The following EFCAB13 variants were observed in gnomAD, a reference collection of about 807,000 sequenced individuals.
EFCAB13 encodes EF-hand calcium binding domain 13.
Under a neutral mutation model 110.2 loss-of-function variants are expected in EFCAB13, and 91 were observed. The ratio of observed to expected loss-of-function variants is 0.83; its 90% CI spans 0.70 to 0.98. The LOEUF is 0.98. Ranked by LOEUF, EFCAB13 falls within the 50% of genes least tolerant of loss-of-function variation. EFCAB13 has a pLI of 0.00. For missense variants in EFCAB13, 968 were observed against 1,119.4 expected, an observed-to-expected ratio of 0.86 and a Z score of 1.93; for synonymous variants, 323 against 369.9, an observed-to-expected ratio of 0.87 and a Z score of 1.45.
In EFCAB13 at chr17:47,349,909, G is replaced by C. The variant is rs367936922; in HGVS notation, c.661+1958G>C. 1.5e-4 allele frequency among the ~76,000 whole-genome samples: 22 copies of C among 151,292 alleles called. No individual in the cohort carries two copies. The East Asian group carries it at 2.1e-3, about 15-fold the overall frequency. ...CCTGCCTCAGCCTCCCGAGTAGCTGGGACTACAGGTGCCCGCCACCGCGCC... is the reference window on the plus strand; with the variant it reads ...CCTGCCTCAGCCTCCCGAGTAGCTGCGACTACAGGTGCCCGCCACCGCGCC... On this transcript the variant is annotated intron_variant, in intron 9 of 24. Transcript: ENST00000331493.
At chr17:47,411,364 TC>T (rs1567802590) in intron 21 of EFCAB13, among the ~76,000 whole-genome samples, 1 of 152,112 alleles carries the variant, frequency 6.6e-6, no homozygotes, top group South Asian at 2.1e-4. Context: ...AACTGACATT[TC>T]CCCCCCAAAC....
intron 5 of EFCAB13, among the ~76,000 whole-genome samples, chr17:47,337,458 C>T (rs986308098): frequency 6.6e-6 from 1 of 152,136 alleles, no homozygotes; most frequent in Non-Finnish European, 1.5e-5. Context: ...GAAATCTGCA[C>T]TTGTACCCTC....
chr17:47,387,254 C>T (rs368354888), intron 14 of EFCAB13, among the ~76,000 whole-genome samples: 7 of 152,102 alleles, frequency 4.6e-5, no homozygotes, highest in African/African-American at 1.4e-4. Flanking sequence ...GGAGAATGTT[C>T]GATGTGCTGA....
intron 3 of EFCAB13, among the ~76,000 whole-genome samples, chr17:47,326,874 A>G (rs2065288811): frequency 1.3e-5 from 2 of 152,252 alleles, no homozygotes; most frequent in African/African-American, 4.8e-5. Context: ...AATAATGACT[A>G]TAAACATATG....
chr17:47,360,551 G>A (rs1299385020), intron 9 of EFCAB13, among the ~76,000 whole-genome samples: 29 of 152,114 alleles, frequency 1.9e-4, no homozygotes, highest in African/African-American at 6.3e-4. Flanking sequence ...AATAGGTTGC[G>A]AAAATTTTCT....
At chr17:47,374,402 AGTT>A in intron 11 of EFCAB13, 67 bp from the exon 12 acceptor site, 3 of 1,251,348 alleles carry the variant, frequency 2.4e-6, no homozygotes, top group Middle Eastern at 2.9e-4. Flanking sequence ...ATGAGGACTT[AGTT>A]GTTATTTTTG....
chr17:47,327,689 T>G (rs1380344230), intron 3 of EFCAB13, among the ~76,000 whole-genome samples: 1 of 152,208 alleles, frequency 6.6e-6, no homozygotes, highest in Non-Finnish European at 1.5e-5. Flanking sequence ...TCTCTTGACC[T>G]CATGATCCGC....
chr17:47,326,458 C>T (rs1484787626), intron 3 of EFCAB13, 71 bp downstream of exon 3: 2 of 152,154 alleles, frequency 1.3e-5, no homozygotes, highest in African/African-American at 4.8e-5. Flanking sequence ...TCCCTCCATA[C>T]CATTCCTCCT....
At chr17:47,367,817 C>T (rs531447051) in intron 10 of EFCAB13, among the ~76,000 whole-genome samples, 13 of 152,208 alleles carry the variant, frequency 8.5e-5, no homozygotes, top group Admixed American at 4.6e-4. Flanking sequence ...ACCTGTCCCT[C>T]GAGAAGTACT....
intron 14 of EFCAB13, among the ~76,000 whole-genome samples, chr17:47,386,187 C>A (rs1368567557): frequency 6.6e-6 from 1 of 152,252 alleles, no homozygotes; most frequent in East Asian, 1.9e-4. Flanking sequence ...TCAGGATCTG[C>A]TGCTCTCTTC....
Position 47,344,145 on chromosome 17 carries a change from C to T in EFCAB13, c.304-17C>T. ...GTCACTCACCTCAGGCACCAACATACTTGCATTTGGCTCTAGATTATCCCT... is the reference window on the plus strand; with the variant it reads ...GTCACTCACCTCAGGCACCAACATATTTGCATTTGGCTCTAGATTATCCCT... On this transcript the variant is annotated splice_polypyrimidine_tract_variant and intron_variant, in intron 6 of 24. Coordinates refer to ENST00000331493, the MANE Select transcript of EFCAB13 (RefSeq NM_152347.5). The T allele has an allele frequency of 6.2e-7, 1 of 1,609,102 alleles. No individual in the cohort carries two copies. The highest frequency in any genetic ancestry group is 8.5e-7 in the Non-Finnish European group (1 of 1,177,406).
At chr17:47,400,126 A>G (rs1208284646) in intron 17 of EFCAB13, among the ~76,000 whole-genome samples, 1 of 152,166 alleles carries the variant, frequency 6.6e-6, no homozygotes, top group Non-Finnish European at 1.5e-5. Flanking sequence ...CCTGACTCTG[A>G]TATCTGATGT....
At chr17:47,404,093 A>G in intron 19 of EFCAB13, 72 bp downstream of exon 19, 1 of 1,183,090 alleles carries the variant, frequency 8.5e-7, no homozygotes, top group Non-Finnish European at 1.2e-6. Flanking sequence ...GTCTATAGGT[A>G]TTTGCTTATG....
At chr17:47,354,472 A>G (rs1450798999) in intron 9 of EFCAB13, among the ~76,000 whole-genome samples, 4 of 152,136 alleles carry the variant, frequency 2.6e-5, no homozygotes, top group African/African-American at 4.8e-5. Context: ...TCAGTTGAGT[A>G]TTGAAGCCCC....
intron 3 of EFCAB13, 165 bp from the exon 4 acceptor site, chr17:47,328,104 A>G (rs756042627): frequency 4.2e-5 from 21 of 501,300 alleles, no homozygotes; most frequent in Non-Finnish European, 6.4e-5. Context: ...TTTATAGTCT[A>G]CTAACTGCTT....
At chr17:47,435,519 A>AT (rs1416535324) in intron 24 of EFCAB13, among the ~76,000 whole-genome samples, 2 of 151,896 alleles carry the variant, frequency 1.3e-5, no homozygotes, top group Non-Finnish European at 2.9e-5. Context: ...TATTCCTAAG[A>AT]TTTTTTTGTT....
In EFCAB13 at chr17:47,415,153, C is replaced by T. The variant is rs545196619; in HGVS notation, c.2494+234C>T. On this transcript the variant is annotated intron_variant, in intron 23 of 24. Coordinates refer to ENST00000331493, the MANE Select transcript of EFCAB13 (RefSeq NM_152347.5). Reference sequence around the variant, plus strand: ...ATCACAAGAACAAAAAACCAAACACCGCATATTCTCACTCATAGGTGGGAA... The same window carrying T: ...ATCACAAGAACAAAAAACCAAACACTGCATATTCTCACTCATAGGTGGGAA... Among the ~76,000 whole-genome samples the T allele has an allele frequency of 7.2e-5, 11 of 151,828 alleles. No homozygotes were observed. The South Asian group carries it at 2.3e-3, about 32-fold the overall frequency.
intron 23 of EFCAB13, among the ~76,000 whole-genome samples, chr17:47,425,128 C>T (rs576479600): frequency 2.0e-5 from 3 of 151,266 alleles, no homozygotes; most frequent in African/African-American, 4.9e-5. Flanking sequence ...GTGATCCGCC[C>T]GCCTCGGCCT....
At chr17:47,348,023 T>C (rs1462601898) in intron 9 of EFCAB13, 72 bp downstream of exon 9, 58 of 1,207,550 alleles carry the variant, frequency 4.8e-5, no homozygotes, top group Non-Finnish European at 1.1e-5. Flanking sequence ...TAATTACAAA[T>C]GATAGGAAAG....
Sources: gnomAD v4.1 joint callset for allele counts (sites outside exome capture counted in the v4.1 genomes callset) on GRCh38, gnomAD v4.1.1 for gene constraint, MANE v1.5 for transcripts, NCBI Gene and HGNC (gene_info 2026-07-23, HGNC 2026-07-21) for gene names.